KAZN: variants seen among roughly 807,000 people sequenced by gnomAD.
The protein encoded by KAZN is kazrin, periplakin interacting protein, also known as kazrin.
In KAZN, 40 loss-of-function variants were observed where a neutral mutation model predicts 87.4. The ratio of observed to expected loss-of-function variants is 0.46; its 90% CI spans 0.36 to 0.60. The LOEUF is 0.60. Ranked by LOEUF, KAZN falls within the 20% of genes least tolerant of loss-of-function variation. The pLI, the probability that KAZN is intolerant of heterozygous loss-of-function variation, is 0.00. For synonymous variants in KAZN, 466 were observed against 458.3 expected (o/e 1.02, Z -0.22); for missense variants, 898 against 1,073.9 (o/e 0.84, Z 2.29).
At chr1:14,853,697 T>A (rs953251490) in intron 1 of KAZN, among the ~76,000 whole-genome samples, 5 of 152,158 alleles carry the variant, frequency 3.3e-5, no homozygotes, top group Non-Finnish European at 5.9e-5. Context: ...TCCAGCTGTG[T>A]CTCTTGGCCC....
intron 2 of KAZN, among the ~76,000 whole-genome samples, chr1:14,492,305 C>T (rs925914172): frequency 6.6e-6 from 1 of 152,026 alleles, no homozygotes; most frequent in African/African-American, 2.4e-5. Context: ...CACAGTTGGT[C>T]GCCACCATGA....
At chr1:14,878,955 G>A (rs1263878027) in intron 1 of KAZN, among the ~76,000 whole-genome samples, 1 of 152,220 alleles carries the variant, frequency 6.6e-6, no homozygotes, top group Non-Finnish European at 1.5e-5. Flanking sequence ...CTGGCTTCAT[G>A]TTTCTAAGGG....
intron 1 of KAZN, among the ~76,000 whole-genome samples, chr1:14,894,759 T>A (rs1655082925): frequency 6.6e-6 from 1 of 152,278 alleles, no homozygotes; most frequent in Admixed American, 6.5e-5. Flanking sequence ...AATGAATGAA[T>A]GAATGAATCT....
chr1:14,379,586 A>T (rs577484076), intron 2 of KAZN, among the ~76,000 whole-genome samples: 1 of 152,222 alleles, frequency 6.6e-6, no homozygotes, highest in South Asian at 2.1e-4. Context: ...CCTTAAGGGT[A>T]TATTGATGGT....
intron 1 of KAZN, among the ~76,000 whole-genome samples, chr1:14,606,391 C>T (rs1365878619): frequency 6.6e-6 from 1 of 152,102 alleles, no homozygotes; most frequent in Admixed American, 6.5e-5. Flanking sequence ...GGCAATCAAC[C>T]AGCCTCTCAG....
chr1:13,934,255 A>G (rs1640637280), intron 1 of KAZN, among the ~76,000 whole-genome samples: 1 of 152,186 alleles, frequency 6.6e-6, no homozygotes, highest in Non-Finnish European at 1.5e-5. Flanking sequence ...TCAAGGACAA[A>G]GTGTGCCTCA....
chr1:14,086,473 A>G (rs1490074556), intron 1 of KAZN, among the ~76,000 whole-genome samples: 1 of 152,060 alleles, frequency 6.6e-6, no homozygotes. Flanking sequence ...CTCCCAGTCT[A>G]TGGTTTGCCT....
At chr1:14,737,800 T>G (rs562075236) in intron 1 of KAZN, among the ~76,000 whole-genome samples, 1 of 152,240 alleles carries the variant, frequency 6.6e-6, no homozygotes, top group Non-Finnish European at 1.5e-5. Context: ...TCTAAGTTCC[T>G]GGAGGCTGCC....
intron 2 of KAZN, among the ~76,000 whole-genome samples, chr1:14,460,367 G>T (rs1252680911): frequency 1.3e-5 from 2 of 152,200 alleles, no homozygotes; most frequent in Non-Finnish European, 2.9e-5. Context: ...CAGCTGGCAG[G>T]CCCTACACAC....
chr1:14,084,653 A>T (rs982101169), intron 1 of KAZN, among the ~76,000 whole-genome samples: 2 of 149,488 alleles, frequency 1.3e-5, no homozygotes. Flanking sequence ...TTAAAAAAAA[A>T]GTAAAACCTA....
At chr1:14,013,785 G>T (rs10803449) in intron 1 of KAZN, among the ~76,000 whole-genome samples, 1 of 151,984 alleles carries the variant, frequency 6.6e-6, no homozygotes, top group Non-Finnish European at 1.5e-5. Context: ...GCTAGATGTG[G>T]GTTTCTCATT....
At chr1:14,913,572 G>T (rs2101412446) in intron 1 of KAZN, among the ~76,000 whole-genome samples, 1 of 152,378 alleles carries the variant, frequency 6.6e-6, no homozygotes, top group Admixed American at 6.5e-5. Flanking sequence ...GGCCTAAGGT[G>T]ACTTTCTGAT....
chr1:14,045,817 A>C (rs1050850188), intron 1 of KAZN, among the ~76,000 whole-genome samples: 2 of 152,228 alleles, frequency 1.3e-5, no homozygotes, highest in African/African-American at 4.8e-5. Flanking sequence ...TTAACATAGT[A>C]CCTATAAAAT....
intron 2 of KAZN, among the ~76,000 whole-genome samples, chr1:14,283,527 G>A (rs72867305): frequency 0.032 from 4,810 of 152,238 alleles, 246 homozygotes; most frequent in African/African-American, 0.11. Context: ...ATGAAAATCA[G>A]CACCACAATG....
At chr1:14,812,532 G>C (rs1238330708) in intron 1 of KAZN, among the ~76,000 whole-genome samples, 1 of 152,104 alleles carries the variant, frequency 6.6e-6, no homozygotes, top group Non-Finnish European at 1.5e-5. Flanking sequence ...GTTGTGTTTT[G>C]AAATAGAGTC....
chr1:13,923,159 C>G (rs1401698591), intron 1 of KAZN, among the ~76,000 whole-genome samples: 1 of 152,086 alleles, frequency 6.6e-6, no homozygotes, highest in African/African-American at 2.4e-5. Context: ...TGACCGGAAG[C>G]CTTACTGATA....
chr1:14,016,700 T>A (rs1570534874), intron 1 of KAZN, among the ~76,000 whole-genome samples: 2 of 152,280 alleles, frequency 1.3e-5, no homozygotes, highest in East Asian at 3.9e-4. Flanking sequence ...CTGACCTTTG[T>A]TTTTGTGTTA....
intron 1 of KAZN, among the ~76,000 whole-genome samples, chr1:14,960,204 T>C (rs1315227122): frequency 3.9e-5 from 6 of 152,208 alleles, no homozygotes; most frequent in Admixed American, 3.3e-4. Context: ...TTGGTTCAAT[T>C]CCCAGCTCTG....
chr1:14,363,415 A>G (rs933125033), intron 2 of KAZN, among the ~76,000 whole-genome samples: 1 of 152,030 alleles, frequency 6.6e-6, no homozygotes, highest in Non-Finnish European at 1.5e-5. Context: ...TTTTCCCTCT[A>G]ATCAAGGAAA....
Sources: allele counts gnomAD v4.1 joint callset (sites outside exome capture counted in the v4.1 genomes callset), GRCh38; gene constraint gnomAD v4.1.1; transcripts MANE v1.5; gene names NCBI Gene and HGNC (gene_info 2026-07-23, HGNC 2026-07-21).